Variants in DUSP14 observed in about 807,000 individuals in gnomAD.
DUSP14 encodes dual specificity phosphatase 14, also known as dual specificity protein phosphatase 14.
In DUSP14, 5 loss-of-function variants were observed where a neutral mutation model predicts 13.2. The ratio of observed to expected loss-of-function variants is 0.38; its 90% CI spans 0.20 to 0.80. The LOEUF is 0.80. Ranked by LOEUF, DUSP14 falls within the 30% of genes least tolerant of loss-of-function variation. DUSP14 has a pLI of 0.44. For synonymous variants in DUSP14, 91 were observed against 103.4 expected (o/e 0.88, Z 0.73); for missense variants, 185 against 264.0 (o/e 0.70, Z 2.07).
intron 1 of DUSP14, among the ~76,000 whole-genome samples, chr17:37,505,945 C>G (rs1472210931): frequency 6.6e-6 from 1 of 152,102 alleles, no homozygotes; most frequent in African/African-American, 2.4e-5. Context: ...CCAAAAAGAC[C>G]AGCATCGTCT....
intron 1 of DUSP14, among the ~76,000 whole-genome samples, chr17:37,501,954 C>G (rs977753391): frequency 1.3e-5 from 2 of 152,056 alleles, no homozygotes; most frequent in African/African-American, 4.8e-5. Context: ...TTTTTTTGTA[C>G]CAGTTGTTTC....
chr17:37,492,677 A>C (rs2054036716), intron 1 of DUSP14, among the ~76,000 whole-genome samples: 1 of 152,206 alleles, frequency 6.6e-6, no homozygotes, highest in African/African-American at 2.4e-5. Context: ...ATTCCCAGAA[A>C]TCAACATTAG....
At chr17:37,495,371 G>A (rs1193369036) in intron 1 of DUSP14, among the ~76,000 whole-genome samples, 19 of 152,208 alleles carry the variant, frequency 1.2e-4, no homozygotes, top group Admixed American at 1.0e-3. Flanking sequence ...CTCAGTGGAC[G>A]AGAAGGTTCT....
intron 1 of DUSP14, among the ~76,000 whole-genome samples, chr17:37,490,769 C>CT (rs2054022587): frequency 6.6e-6 from 1 of 151,962 alleles, no homozygotes; most frequent in African/African-American, 2.4e-5. Flanking sequence ...TGTGTGTTAA[C>CT]TCGTTAGCTG....
chr17:37,501,807 G>A (rs1048755900), intron 1 of DUSP14, among the ~76,000 whole-genome samples: 4 of 152,120 alleles, frequency 2.6e-5, no homozygotes, highest in African/African-American at 4.8e-5. Context: ...ATGAGCCACC[G>A]TGCCTGGCCA....
chr17:37,499,986 C>T (rs2054094684), intron 1 of DUSP14, among the ~76,000 whole-genome samples: 2 of 152,224 alleles, frequency 1.3e-5, no homozygotes, highest in Admixed American at 1.3e-4. Context: ...AACTTCATCC[C>T]TCCCTTTGCT....
At chr17:37,488,794 G>A (rs2054005949), upstream of DUSP14, among the ~76,000 whole-genome samples, 1 of 152,186 alleles carries the variant, frequency 6.6e-6, no homozygotes, top group Admixed American at 6.5e-5. Flanking sequence ...GGAAGAACAT[G>A]AAAAAGCTTC....
chr17:37,489,425 C>T (rs1214596925), upstream of DUSP14, among the ~76,000 whole-genome samples: 1 of 152,204 alleles, frequency 6.6e-6, no homozygotes, highest in Non-Finnish European at 1.5e-5. Flanking sequence ...AACCCCCGGG[C>T]TCTCCGGGCT....
In DUSP14 at chr17:37,512,374, A is replaced by G. The variant is rs1312600104; in HGVS notation, c.102A>G (p.Leu34=). The G allele has an allele frequency of 1.9e-6, 3 of 1,614,030 alleles. No individual in the cohort carries two copies. The highest frequency in any genetic ancestry group is 2.2e-5 in the South Asian group (2 of 91,076). Residue 34 remains leucine, a synonymous_variant, in exon 3 of 3, where the codon CTA becomes CTG. Transcript: ENST00000617516. The surrounding 1 kb of genome is among the most constrained non-coding windows in gnomAD (Gnocchi z 4.8). ...IGGIAQITSS[L]FLGRGSVASN... ...GCATTGCTCAAATCACCTCCTCTCT[A>G]TTCCTGGGCAGAGGCAGTGTGGCCT...
intron 1 of DUSP14, among the ~76,000 whole-genome samples, chr17:37,502,753 G>C (rs1241206162): frequency 1.3e-5 from 2 of 152,144 alleles, no homozygotes; most frequent in African/African-American, 4.8e-5. Flanking sequence ...TGTTGAGCTA[G>C]TTTGGGCTTC....
chr17:37,511,398 A>C (rs533545168), intron 2 of DUSP14, among the ~76,000 whole-genome samples: 23 of 152,140 alleles, frequency 1.5e-4, no homozygotes, highest in African/African-American at 5.5e-4. Context: ...CTCTTGCCTC[A>C]GCCTCCCGAG....
At chr17:37,493,569 T>C (rs181663345) in intron 1 of DUSP14, among the ~76,000 whole-genome samples, 1 of 152,316 alleles carries the variant, frequency 6.6e-6, no homozygotes, top group Admixed American at 6.5e-5. Flanking sequence ...TGTGCTAGCG[T>C]ATTTTTATTT....
chr17:37,491,497 T>C (rs2054028202), intron 1 of DUSP14: 1 of 152,156 alleles, frequency 6.6e-6, no homozygotes, highest in Admixed American at 6.5e-5. Flanking sequence ...GGAGAGGTAG[T>C]TGCTTGGTAT....
At chr17:37,496,180 G>A (rs991651053) in intron 1 of DUSP14, among the ~76,000 whole-genome samples, 12 of 152,320 alleles carry the variant, frequency 7.9e-5, no homozygotes, top group African/African-American at 2.9e-4. Context: ...AATCTTTGGT[G>A]TTATCCTGGC....
At chr17:37,492,517 T>C (rs2054035580) in intron 1 of DUSP14, among the ~76,000 whole-genome samples, 1 of 152,226 alleles carries the variant, frequency 6.6e-6, no homozygotes, top group African/African-American at 2.4e-5. Flanking sequence ...TTATATATTA[T>C]ACATTTACCG....
At chr17:37,494,950 T>G (rs567287818) in intron 1 of DUSP14, among the ~76,000 whole-genome samples, 1 of 152,226 alleles carries the variant, frequency 6.6e-6, no homozygotes, top group African/African-American at 2.4e-5. Context: ...TTGCTCATTA[T>G]AGTAAAGATT....
chr17:37,513,234 TA>T lies in DUSP14; in HGVS notation c.*367del. On this transcript the variant is annotated 3_prime_UTR_variant, in exon 3 of 3. Coordinates refer to ENST00000617516, the MANE Select transcript of DUSP14 (RefSeq NM_007026.4). ...TGCAAAAATCACTTTGGGGCCTCAT[TA>T]ACCCTTTAGAGACAAGCTTTGCCCC... 4.4e-6 allele frequency: 1 copy of T among 229,788 alleles called. No homozygotes were observed. Among genetic ancestry groups the T allele is most frequent in the Non-Finnish European group, 9.2e-6 (1 of 108,350 alleles). 14.2% of individuals were successfully genotyped at this position (229,788 alleles called of 1,614,324 possible). A position where few individuals can be genotyped will look rare whatever the true frequency, so the allele number is the denominator to read the frequency against.
At chr17:37,502,117 A>C (rs2054109260) in intron 1 of DUSP14, among the ~76,000 whole-genome samples, 1 of 152,150 alleles carries the variant, frequency 6.6e-6, no homozygotes, top group Admixed American at 6.5e-5. Flanking sequence ...TGCATAACAC[A>C]GCTCTAAAAC....
At chr17:37,511,585 C>CTTTTTTTTTTTTTTTTTTTTTTTT (rs533256343) in intron 2 of DUSP14, among the ~76,000 whole-genome samples, 7 of 87,310 alleles carry the variant, frequency 8.0e-5, no homozygotes, top group African/African-American at 3.7e-4. Flanking sequence ...CTGGCCTTTC[C>CTTTTTTTTTTTTTTTTTTTTTTTT]TTTTTTTTTT....
Sources: allele counts gnomAD v4.1 joint callset (sites outside exome capture counted in the v4.1 genomes callset), GRCh38; gene constraint gnomAD v4.1.1; non-coding constraint Gnocchi (gnomAD v3.1); transcripts MANE v1.5; gene names NCBI Gene and HGNC (gene_info 2026-07-23, HGNC 2026-07-21).